The following NLRP7 variants were observed in gnomAD, a reference collection of about 807,000 sequenced individuals.
NLRP7 encodes NLR family pyrin domain containing 7.
In NLRP7, 72 loss-of-function variants were observed where a neutral mutation model predicts 85.5. The ratio of observed to expected loss-of-function variants is 0.84; its 90% CI spans 0.70 to 1.02. The LOEUF is 1.02. Ranked by LOEUF, NLRP7 falls within the 50% of genes least tolerant of loss-of-function variation. The pLI is 0.00. For missense variants in NLRP7, 1,243 were observed against 1,219.5 expected, an observed-to-expected ratio of 1.02 and a Z score of -0.29; for synonymous variants, 550 against 505.2, an observed-to-expected ratio of 1.09 and a Z score of -1.19.
chr19:54,936,864 G>C (rs1262727496), intron 5 of NLRP7, among the ~76,000 whole-genome samples: 1 of 151,840 alleles, frequency 6.6e-6, no homozygotes, highest in African/African-American at 2.4e-5. Flanking sequence ...GCAGTGAGCC[G>C]AGACCGCACC....
upstream of NLRP7, among the ~76,000 whole-genome samples, chr19:54,950,066 C>T (rs1445887517): frequency 6.6e-6 from 1 of 151,420 alleles, no homozygotes; most frequent in Non-Finnish European, 1.5e-5. Flanking sequence ...AGCGCCACTG[C>T]ACTCCAGCCT....
intron 1 of NLRP7, among the ~76,000 whole-genome samples, chr19:54,945,199 C>T (rs527628093): frequency 2.1e-4 from 30 of 140,918 alleles, no homozygotes; most frequent in Non-Finnish European, 4.0e-4. Flanking sequence ...GCCAAGATCG[C>T]GCCACTGCAC....
intron 1 of NLRP7, among the ~76,000 whole-genome samples, chr19:54,963,967 G>C (rs1485070885): frequency 6.8e-6 from 1 of 147,818 alleles, no homozygotes; most frequent in Admixed American, 6.8e-5. Context: ...TGCAACCTCC[G>C]CCTCCTGGGT....
chr19:54,963,913 C>G (rs2070173393), intron 1 of NLRP7, among the ~76,000 whole-genome samples: 1 of 149,060 alleles, frequency 6.7e-6, no homozygotes. Context: ...CGGAGTCTCA[C>G]TCTGTCGCCC....
chr19:54,959,185 C>T (rs933536098), intron 1 of NLRP7, among the ~76,000 whole-genome samples: 3 of 148,862 alleles, frequency 2.0e-5, no homozygotes, highest in East Asian at 2.0e-4. Flanking sequence ...GTCGCTAAGG[C>T]TGGAGTGCAG....
chr19:54,924,277 T>C (rs1336781957), intron 9 of NLRP7, among the ~76,000 whole-genome samples: 1 of 152,130 alleles, frequency 6.6e-6, no homozygotes, highest in African/African-American at 2.4e-5. Flanking sequence ...CAGAAAAGTT[T>C]TCTAAAAAGA....
intron 9 of NLRP7, chr19:54,927,642 C>A (rs764485512): frequency 6.2e-7 from 1 of 1,614,092 alleles, no homozygotes; most frequent in South Asian, 1.1e-5. Flanking sequence ...TGTCTTAGAA[C>A]CCCAAAGAGC....
At chr19:54,945,564 C>A (rs1402100507) in intron 1 of NLRP7, among the ~76,000 whole-genome samples, 1 of 151,754 alleles carries the variant, frequency 6.6e-6, no homozygotes, top group African/African-American at 2.4e-5. Context: ...GCCACCAGGC[C>A]TGGCCAAGTA....
chr19:54,959,428 T>A (rs113210071), intron 1 of NLRP7, among the ~76,000 whole-genome samples: 1 of 150,368 alleles, frequency 6.7e-6, no homozygotes, highest in Non-Finnish European at 1.5e-5. Flanking sequence ...TGAGCCACCG[T>A]GCCCGGCCTC....
rs181146216 is a variant in NLRP7 at position 54,955,718 on chromosome 19, C to T, written c.-76-8213G>A. On this transcript the variant is annotated intron_variant, in intron 1 of 2. Coordinates refer to the NLRP7 transcript ENST00000587103. ...AGGAGAATGACGTGAATCCCGGAGT[C>T]GTAGGTTGCAGTGAGCCAAGATCGT... Among the ~76,000 whole-genome samples, 268 of 151,800 alleles carry T rather than the reference C, an allele frequency of 1.8e-3. 1 individual carries two copies. The highest frequency in any genetic ancestry group is 2.4e-3 in the Non-Finnish European group (166 of 67,928).
intron 1 of NLRP7, among the ~76,000 whole-genome samples, chr19:54,954,175 A>T (rs1300432873): frequency 6.7e-6 from 1 of 148,836 alleles, no homozygotes; most frequent in Non-Finnish European, 1.5e-5. Flanking sequence ...ATGCTGTCTA[A>T]AAAGGGGAGG....
At chr19:54,941,742 G>A (rs774543200) in exon 2 of NLRP7, 3 of 1,597,322 alleles carry the variant, frequency 1.9e-6, no homozygotes, top group Non-Finnish European at 1.7e-6. Flanking sequence ...TTAGGTTAAG[G>A]CTGAAGAACT....
intron 1 of NLRP7, among the ~76,000 whole-genome samples, chr19:54,964,213 T>G (rs1213428631): frequency 9.5e-3 from 19 of 2,008 alleles, no homozygotes; most frequent in African/African-American, 0.012. Context: ...TATATGGTGT[T>G]TTTTTTTTTT....
intron 9 of NLRP7, among the ~76,000 whole-genome samples, chr19:54,926,708 G>C (rs2068452415): frequency 6.6e-6 from 1 of 152,014 alleles, no homozygotes; most frequent in East Asian, 1.9e-4. Flanking sequence ...CTGAGGTCAG[G>C]AGCTCGAGAC....
chr19:54,941,341 C>G, intron 2 of NLRP7, 94 bp downstream of exon 2: 1 of 931,372 alleles, frequency 1.1e-6, no homozygotes, highest in Non-Finnish European at 1.7e-6. Flanking sequence ...TGCACTCCAG[C>G]CTTACACTCC....
chr19:54,947,639 T>G (rs1032662358), upstream of NLRP7: 1 of 1,289,326 alleles, frequency 7.8e-7, no homozygotes, highest in Non-Finnish European at 1.0e-6. Flanking sequence ...GACCTCAGGC[T>G]CACCTTGACA....
At chr19:54,941,585 A>G in exon 2 of NLRP7, 3 of 1,613,946 alleles carry the variant, frequency 1.9e-6, no homozygotes, top group Non-Finnish European at 2.5e-6. Flanking sequence ...ACCTCAGACC[A>G]TGGGGTCTTC....
rs1205683479 is a variant in NLRP7, at chr19:54,947,464, C to T, written c.-40+5G>A. On this transcript the variant is annotated splice_donor_5th_base_variant and intron_variant, in intron 1 of 9. Transcript: ENST00000340844. ...AAAGAAATCGATGCAAGAACCAGCACTCACCTCCCTCAGGTCAGGTCTTGC... is the reference window on the plus strand; with the variant it reads ...AAAGAAATCGATGCAAGAACCAGCATTCACCTCCCTCAGGTCAGGTCTTGC... 7.8e-7 allele frequency: 1 copy of T among 1,289,564 alleles called. No homozygotes were observed. The highest frequency in any genetic ancestry group is 1.0e-6 in the Non-Finnish European group (1 of 988,652). The allele number at this position is 1,289,564 out of a possible 1,614,324, so 79.9% of individuals were successfully genotyped here.
chr19:54,959,417 G>A (rs141961701), intron 1 of NLRP7, among the ~76,000 whole-genome samples: 3,730 of 151,350 alleles, frequency 0.025, 148 homozygotes, highest in African/African-American at 0.083. Context: ...GATTACAGGC[G>A]TGAGCCACCG....
Sources: allele counts gnomAD v4.1 joint callset (sites outside exome capture counted in the v4.1 genomes callset), GRCh38; gene constraint gnomAD v4.1.1; transcripts MANE v1.5; gene names NCBI Gene and HGNC (gene_info 2026-07-23, HGNC 2026-07-21).